The following TMED3 variants were observed in gnomAD, a reference collection of about 807,000 sequenced individuals.
TMED3 encodes the protein transmembrane p24 trafficking protein 3, also known as transmembrane emp24 domain-containing protein 3.
Under a neutral mutation model 15.0 loss-of-function variants are expected in TMED3, and 9 were observed. The observed-to-expected ratio is 0.60, with a 90% confidence interval of 0.36 to 1.04. The LOEUF (loss-of-function observed/expected upper bound fraction) is 1.04. Among genes scored for constraint, TMED3 ranks in the 50% least tolerant of loss-of-function variants. The pLI is 0.01. For missense variants in TMED3, 267 were observed against 278.9 expected (o/e 0.96, Z 0.30); for synonymous variants, 117 against 121.4 (o/e 0.96, Z 0.24).
chr15:79,319,747 C>T (rs911752376), intron 2 of TMED3, among the ~76,000 whole-genome samples: 8 of 152,126 alleles, frequency 5.3e-5, no homozygotes, highest in African/African-American at 1.4e-4. Context: ...GGTAAGGTCA[C>T]GTGTCCACTG....
At chr15:79,355,377 C>T (rs1277006790) in intron 2 of TMED3, among the ~76,000 whole-genome samples, 3 of 152,142 alleles carry the variant, frequency 2.0e-5, no homozygotes, top group Non-Finnish European at 4.4e-5. Flanking sequence ...ACAGTGGATC[C>T]AGCCCGTAGG....
At chr15:79,323,397 C>T (rs1292792099), downstream of TMED3, among the ~76,000 whole-genome samples, 1 of 152,172 alleles carries the variant, frequency 6.6e-6, no homozygotes, top group Non-Finnish European at 1.5e-5. Context: ...CCCCATAAGC[C>T]TCACTTATTT....
intron 2 of TMED3, among the ~76,000 whole-genome samples, chr15:79,337,088 G>A (rs142149933): frequency 9.2e-5 from 14 of 152,310 alleles, no homozygotes; most frequent in African/African-American, 3.1e-4. Context: ...GTTGCAAAGT[G>A]TCATAGTCCG....
At chr15:79,353,294 TATATTATA>T (rs2058903850) in intron 2 of TMED3, among the ~76,000 whole-genome samples, 1 of 14,506 alleles carries the variant, frequency 6.9e-5, no homozygotes, top group Non-Finnish European at 1.3e-4. Flanking sequence ...ATATTATATG[TATATTATA>T]TATATTATAT....
chr15:79,363,779 C>G (rs556235075), intron 2 of TMED3, among the ~76,000 whole-genome samples: 1 of 152,106 alleles, frequency 6.6e-6, no homozygotes, highest in Non-Finnish European at 1.5e-5. Context: ...GTTACCAAAC[C>G]GAACTTGGGT....
At chr15:79,330,359 CA>C (rs1343078193) in intron 2 of TMED3, among the ~76,000 whole-genome samples, 1 of 151,658 alleles carries the variant, frequency 6.6e-6, no homozygotes, top group Non-Finnish European at 1.5e-5. Context: ...AATCAACATA[CA>C]AAACACAGTA....
At chr15:79,398,162 C>T (rs1350767716) in intron 2 of TMED3, among the ~76,000 whole-genome samples, 1 of 152,114 alleles carries the variant, frequency 6.6e-6, no homozygotes, top group Non-Finnish European at 1.5e-5. Context: ...TCCATCCAAC[C>T]CCTGGCAACC....
intron 2 of TMED3, among the ~76,000 whole-genome samples, chr15:79,408,793 CAA>C (rs1195269854): frequency 1.3e-5 from 2 of 152,100 alleles, no homozygotes; most frequent in Non-Finnish European, 2.9e-5. Flanking sequence ...TTGTGCGATT[CAA>C]AAGAGGAAGG....
downstream of TMED3, among the ~76,000 whole-genome samples, chr15:79,323,100 C>T (rs1282800783): frequency 1.3e-5 from 2 of 152,196 alleles, no homozygotes; most frequent in Non-Finnish European, 1.5e-5. Flanking sequence ...TACCTTCTCC[C>T]GGATATCTGC....
intron 2 of TMED3, chr15:79,316,013 GA>G: frequency 6.6e-6 from 1 of 152,362 alleles, no homozygotes; most frequent in South Asian, 2.1e-4. Flanking sequence ...CCTTCTAGGT[GA>G]AGAGAACAGG....
Position 79,311,131 on chromosome 15 carries a change from T to G in TMED3, c.-119T>G. 1 of 1,173,816 alleles carries G rather than the reference T, an allele frequency of 8.5e-7. No homozygotes were observed. The highest frequency in any genetic ancestry group is 1.1e-6 in the Non-Finnish European group (1 of 877,678). 72.7% of individuals were successfully genotyped at this position (1,173,816 alleles called of 1,614,324 possible). A position where few individuals can be genotyped will look rare whatever the true frequency, so the allele number is the denominator to read the frequency against. On this transcript the variant is annotated 5_prime_UTR_variant, in exon 1 of 3. Transcript: ENST00000299705. ...GCCGGCCCTCCCGGAAGCGCAGAGCTCCGCTGGTGCCACGTCTATCCCCTT... is the reference window on the plus strand; with the variant it reads ...GCCGGCCCTCCCGGAAGCGCAGAGCGCCGCTGGTGCCACGTCTATCCCCTT...
At chr15:79,406,151 C>T (rs1893900828) in intron 2 of TMED3, among the ~76,000 whole-genome samples, 1 of 152,182 alleles carries the variant, frequency 6.6e-6, no homozygotes, top group Non-Finnish European at 1.5e-5. Context: ...CACACTTGCA[C>T]TCTTTCCATC....
rs757573726 is a variant in TMED3 at position 79,311,350 on chromosome 15, C to A, written c.101C>A (p.Pro34Gln). The stretch of plus-strand genomic sequence containing the variant: ...GGGGCCGAGCTCACCTTCGAGCTGC[C>A]GGACAACGCCAAGCAGTGCTTCCAC... Reference protein sequence around the residue: ...PCGAELTFELPDNAKQCFHEE... With the variant: ...PCGAELTFELQDNAKQCFHEE... The change falls in exon 1 of 3, where the codon CCG becomes CAG. Residue 34 changes from proline to glutamine, a missense_variant. Pro to Gln is a moderately conservative substitution (Grantham distance 76). This residue lies in a region of TMED3 where 59 missense variants were observed against 47.0 expected (regional missense o/e 1.26). Transcript: ENST00000299705. 4.3e-6 allele frequency: 7 copies of A among 1,611,612 alleles called. No homozygotes were observed. The highest frequency in any genetic ancestry group is 1.1e-5 in the South Asian group (1 of 90,646).
chr15:79,407,697 A>G (rs185907888), intron 2 of TMED3, among the ~76,000 whole-genome samples: 23 of 152,292 alleles, frequency 1.5e-4, no homozygotes, highest in Admixed American at 7.8e-4. Context: ...AGCTGCTTTC[A>G]GACTAAAACA....
chr15:79,350,789 C>T (rs2058888575), intron 2 of TMED3, among the ~76,000 whole-genome samples: 1 of 152,180 alleles, frequency 6.6e-6, no homozygotes, highest in South Asian at 2.1e-4. Flanking sequence ...GAGGACACTG[C>T]TGAGGGAGAG....
intron 2 of TMED3, among the ~76,000 whole-genome samples, chr15:79,366,452 T>C (rs548020754): frequency 5.3e-4 from 81 of 152,362 alleles, no homozygotes; most frequent in African/African-American, 1.8e-3. Context: ...CAACATTTAG[T>C]TTCTATAGAG....
At chr15:79,379,572 G>A (rs912062270) in intron 2 of TMED3, among the ~76,000 whole-genome samples, 2 of 152,080 alleles carry the variant, frequency 1.3e-5, no homozygotes, top group Non-Finnish European at 2.9e-5. Context: ...ATATTACTGC[G>A]ATGTAAAGTG....
At chr15:79,376,645 G>A (rs1015549572) in intron 2 of TMED3, among the ~76,000 whole-genome samples, 1 of 152,142 alleles carries the variant, frequency 6.6e-6, no homozygotes, top group Non-Finnish European at 1.5e-5. Flanking sequence ...CTGGAACCTA[G>A]GCTTTCATTA....
At chr15:79,390,498 T>C (rs1329943906) in intron 2 of TMED3, among the ~76,000 whole-genome samples, 2 of 152,168 alleles carry the variant, frequency 1.3e-5, no homozygotes, top group Non-Finnish European at 2.9e-5. Flanking sequence ...AGCTAGTATT[T>C]TGTTAAGGAT....
Sources: gnomAD v4.1 joint callset for allele counts (sites outside exome capture counted in the v4.1 genomes callset) on GRCh38, gnomAD v4.1.1 for gene constraint, gnomAD v4.1.1 regional missense constraint, MANE v1.5 for transcripts, NCBI Gene and HGNC (gene_info 2026-07-23, HGNC 2026-07-21) for gene names.